Variants in DAZAP1 observed in about 807,000 individuals in gnomAD.
DAZAP1 encodes the protein DAZ associated protein 1.
A neutral mutation model predicts 60.1 loss-of-function variants in DAZAP1; 6 were observed. The ratio of observed to expected loss-of-function variants is 0.10; its 90% CI spans 0.05 to 0.20. DAZAP1 has a LOEUF of 0.20. DAZAP1 is among the 10% of genes least tolerant of loss of function. The pLI is 1.00. For missense variants in DAZAP1, 366 were observed against 560.4 expected (o/e 0.65, Z 3.50); for synonymous variants, 235 against 215.9 (o/e 1.09, Z -0.78).
rs2083065200 is a variant in DAZAP1 at position 1,418,860 on chromosome 19, G to A, written c.303+129G>A. The A allele has an allele frequency of 1.1e-6, 1 of 888,144 alleles. No individual in the cohort carries two copies. The highest frequency in any genetic ancestry group is 2.6e-5 in the East Asian group (1 of 38,356). 55.0% of individuals were successfully genotyped at this position (888,144 alleles called of 1,614,324 possible). ...ACGCAGGTCTTCTGGGTTGGCACTC[G>A]AGCAGCTGAGGATCACCCAGATTTA... On this transcript the variant is annotated intron_variant, in intron 4 of 11. Coordinates refer to ENST00000233078, the MANE Select transcript of DAZAP1 (RefSeq NM_018959.4). The surrounding 1 kb of genome is among the most constrained non-coding windows in gnomAD (Gnocchi z 5.7).
At position 1,416,086 on chromosome 19, in the gene DAZAP1, C is replaced by T. The variant is rs968852001; in HGVS notation, c.30-1414C>T. On this transcript the variant is annotated intron_variant, in intron 1 of 11. Transcript: ENST00000233078. This position sits in a 1 kb window ranked among gnomAD's most constrained non-coding sequence, Gnocchi z 4.3. ...TCGCGGGGGCTGAGTGTACAGGCCC[C>T]AGGTGGTGGTTGATGAGAGGTGATG... 1 of 152,226 alleles carries T rather than the reference C, an allele frequency of 6.6e-6. No homozygotes were observed. Among genetic ancestry groups the T allele is most frequent in the African/African-American group, 2.4e-5 (1 of 41,438 alleles). The allele number at this position is 152,226 out of a possible 1,614,324, so 9.4% of individuals were successfully genotyped here.
Position 1,433,919 on chromosome 19 carries a change from C to A in DAZAP1, c.1049-818C>A. 1 of 1,168,196 alleles carries A rather than the reference C, an allele frequency of 8.6e-7. No individual in the cohort carries two copies. The highest frequency in any genetic ancestry group is 1.3e-6 in the Non-Finnish European group (1 of 790,760). 72.4% of individuals were successfully genotyped at this position (1,168,196 alleles called of 1,614,324 possible). On this transcript the variant is annotated intron_variant, in intron 11 of 11. Coordinates refer to ENST00000233078, the MANE Select transcript of DAZAP1 (RefSeq NM_018959.4). This position sits in a 1 kb window ranked among gnomAD's most constrained non-coding sequence, Gnocchi z 6.1. Reference sequence around the variant, plus strand: ...CTGCCGTCCCGGGCGGGGGTGGACGCTGGCGGTGCCCTCTGGGAAGGGGCC... The same window carrying A: ...CTGCCGTCCCGGGCGGGGGTGGACGATGGCGGTGCCCTCTGGGAAGGGGCC...
chr19:1,421,754 A>C (rs1391873669), intron 5 of DAZAP1, among the ~76,000 whole-genome samples: 1 of 151,508 alleles, frequency 6.6e-6, no homozygotes, highest in African/African-American at 2.4e-5. Context: ...TCCTGCTGGG[A>C]CTCCTGCCGT....
intron 1 of DAZAP1, among the ~76,000 whole-genome samples, chr19:1,408,582 C>T (rs1159679003): frequency 6.6e-6 from 1 of 151,026 alleles, no homozygotes; most frequent in Non-Finnish European, 1.5e-5. Flanking sequence ...AAACCCAGGG[C>T]CCAGGGGGCT....
Position 1,422,935 on chromosome 19 carries a change from C to G in DAZAP1, c.463+539C>G, listed in dbSNP as rs920364823. On this transcript the variant is annotated intron_variant, in intron 6 of 11. Coordinates refer to ENST00000233078, the MANE Select transcript of DAZAP1 (RefSeq NM_018959.4). The surrounding 1 kb of genome is among the most constrained non-coding windows in gnomAD (Gnocchi z 4.5). ...GGTGAGGAGTCACCTCAGGGCCTCC[C>G]CTCATTTTCCCTCAGCTTCTTGCAC... Among the ~76,000 whole-genome samples, 4 of 151,976 alleles carry G rather than the reference C, an allele frequency of 2.6e-5. No individual in the cohort carries two copies. Among genetic ancestry groups the G allele is most frequent in the Non-Finnish European group, 5.9e-5 (4 of 67,980 alleles).
chr19:1,412,586 G>T (rs1192963695), intron 1 of DAZAP1, among the ~76,000 whole-genome samples: 3 of 152,212 alleles, frequency 2.0e-5, no homozygotes. Flanking sequence ...CGGGCTGGCC[G>T]CCGGTTTTTG....
At chr19:1,414,730 T>C (rs572869555) in intron 1 of DAZAP1, among the ~76,000 whole-genome samples, 199 of 151,636 alleles carry the variant, frequency 1.3e-3, no homozygotes, top group African/African-American at 4.7e-3. Flanking sequence ...AGCGAGACAA[T>C]TTTTCAAAAA....
At chr19:1,412,468 G>A (rs1164246748) in intron 1 of DAZAP1, among the ~76,000 whole-genome samples, 1 of 152,238 alleles carries the variant, frequency 6.6e-6, no homozygotes, top group Non-Finnish European at 1.5e-5. Context: ...CCAGAGCCAG[G>A]TGGGGTCTGT....
Position 1,422,352 on chromosome 19 carries a change from C to T in DAZAP1, c.419C>T (p.Thr140Met), listed in dbSNP as rs758592245. 1.5e-5 allele frequency: 24 copies of T among 1,613,938 alleles called. No homozygotes were observed. The highest frequency in any genetic ancestry group is 1.9e-5 in the Non-Finnish European group (23 of 1,179,940). Residue 140 changes from threonine to methionine, a missense_variant, in exon 6 of 12, where the codon ACG becomes ATG. By Grantham distance (81) the Thr-to-Met change is moderately conservative. This residue lies in a region of DAZAP1 where 28 missense variants were observed against 96.3 expected (regional missense o/e 0.29). Coordinates refer to ENST00000233078, the MANE Select transcript of DAZAP1 (RefSeq NM_018959.4). This position sits in a 1 kb window ranked among gnomAD's most constrained non-coding sequence, Gnocchi z 4.5. The part of the protein sequence containing the change: ...REYFKKFGVV[T>M]EVVMIYDAEK... ...GACGCCACCCTCTCCTTCCAGGTCA[C>T]GGAGGTAGTCATGATCTATGACGCC... is the stretch of plus-strand genomic sequence containing the variant.
In DAZAP1 at chr19:1,407,679, C is replaced by T. The variant is rs1403105190; in HGVS notation, c.-95C>T. On this transcript the variant is annotated 5_prime_UTR_variant, in exon 1 of 12. Transcript: ENST00000233078. ...CCGCCGCCGTTGCGCAGATCCGGGC[C>T]GCGGCTGTGGGGAGGGCGACGGAGC... The T allele has an allele frequency of 1.7e-5, 16 of 942,064 alleles. No individual in the cohort carries two copies. The African/African-American group carries it at 2.8e-4, about 17-fold the overall frequency. The allele number at this position is 942,064 out of a possible 1,614,324, so 58.4% of individuals were successfully genotyped here.
In DAZAP1 at chr19:1,416,372, C is replaced by A. The variant is rs1349790589; in HGVS notation, c.30-1128C>A. 6.6e-6 allele frequency: 1 copy of A among 152,206 alleles called. No individual in the cohort carries two copies. Among genetic ancestry groups the A allele is most frequent in the Non-Finnish European group, 1.5e-5 (1 of 68,078 alleles). The allele number at this position is 152,206 out of a possible 1,614,324, so 9.4% of individuals were successfully genotyped here. A position where few individuals can be genotyped will look rare whatever the true frequency, so the allele number is the denominator to read the frequency against. ...GCACGGTGTTTTGCTCTCTGGAGAC[C>A]AAGGGTGATGATGGTGCTGGCACTG... On this transcript the variant is annotated intron_variant, in intron 1 of 11. Coordinates refer to ENST00000233078, the MANE Select transcript of DAZAP1 (RefSeq NM_018959.4). This position sits in a 1 kb window ranked among gnomAD's most constrained non-coding sequence, Gnocchi z 4.3.
Position 1,433,563 on chromosome 19 carries a change from A to C in DAZAP1, c.1048+873A>C. On this transcript the variant is annotated intron_variant, in intron 11 of 11. Transcript: ENST00000233078. This position sits in a 1 kb window ranked among gnomAD's most constrained non-coding sequence, Gnocchi z 6.1. ...CTGTGGTTCCCCTGCCCCCACGCCC[A>C]GGCCTTGGGCCGAGGTTGCCGCATG... The C allele has an allele frequency of 1.3e-5, 7 of 558,210 alleles. No individual in the cohort carries two copies. The highest frequency in any genetic ancestry group is 1.6e-5 in the Non-Finnish European group (5 of 310,880). The allele number at this position is 558,210 out of a possible 1,614,324, so 34.6% of individuals were successfully genotyped here.
At chr19:1,424,217 C>T (rs1006630668) in intron 6 of DAZAP1, among the ~76,000 whole-genome samples, 5 of 152,152 alleles carry the variant, frequency 3.3e-5, no homozygotes, top group South Asian at 2.1e-4. Context: ...TCGGCCCGCC[C>T]GCTCCAGCCG....
chr19:1,407,910 C>G lies in DAZAP1; in HGVS notation c.29+108C>G, dbSNP rs1372515110. 41 of 962,692 alleles carry G rather than the reference C, an allele frequency of 4.3e-5. No individual in the cohort carries two copies. In the South Asian group the frequency reaches 1.7e-3, roughly 40 times the overall value. The allele number at this position is 962,692 out of a possible 1,614,324, so 59.6% of individuals were successfully genotyped here. A position where few individuals can be genotyped will look rare whatever the true frequency, so the allele number is the denominator to read the frequency against. On this transcript the variant is annotated intron_variant, in intron 1 of 11. Coordinates refer to ENST00000233078, the MANE Select transcript of DAZAP1 (RefSeq NM_018959.4). ...CCGGGGCCGCCCCGTCAAGGTCACG[C>G]CGGCCGGGGGCGGACTCGGGACCCG...
In DAZAP1 at chr19:1,428,790, G is replaced by T; in HGVS notation, c.547-52G>T. 1.2e-6 allele frequency: 2 copies of T among 1,608,326 alleles called. No homozygotes were observed. The highest frequency in any genetic ancestry group is 1.7e-6 in the Non-Finnish European group (2 of 1,177,246). On this transcript the variant is annotated intron_variant, in intron 7 of 11. Transcript: ENST00000233078. The surrounding 1 kb of genome is among the most constrained non-coding windows in gnomAD (Gnocchi z 4.0). ...TACCCGAGGGTGTGTCTAAAGGGAA[G>T]GGGGTGCTGGGACCCGCAGCCTCGC...
intron 1 of DAZAP1, among the ~76,000 whole-genome samples, chr19:1,409,071 C>T (rs951651924): frequency 5.9e-5 from 9 of 152,226 alleles, no homozygotes; most frequent in Non-Finnish European, 1.5e-5. Flanking sequence ...TCTCCCCCTC[C>T]CCAGACAAAA....
At position 1,422,835 on chromosome 19, in the gene DAZAP1, T is replaced by TCC. The variant is rs1461878364; in HGVS notation, c.463+439_463+440insCC. 2.2e-5 allele frequency among the ~76,000 whole-genome samples: 3 copies of TCC among 138,160 alleles called. No homozygotes were observed. Among genetic ancestry groups the TCC allele is most frequent in the African/African-American group, 1.0e-4 (3 of 29,274 alleles). 90.6% of individuals were successfully genotyped at this position (138,160 alleles called of 152,430 possible). ...CATGCTTTTTTTTTCTTTCTTTCTT[T>TCC]TTTCCTTTTCTTTTCTTTTTCTTTT... On this transcript the variant is annotated intron_variant, in intron 6 of 11. Coordinates refer to ENST00000233078, the MANE Select transcript of DAZAP1 (RefSeq NM_018959.4). The surrounding 1 kb of genome is among the most constrained non-coding windows in gnomAD (Gnocchi z 4.5).
chr19:1,426,058 G>A lies in DAZAP1; in HGVS notation c.546+98G>A, dbSNP rs764782717. 1.2e-5 allele frequency: 11 copies of A among 915,698 alleles called. No homozygotes were observed. Among genetic ancestry groups the A allele is most frequent in the African/African-American group, 3.3e-5 (2 of 61,366 alleles). 56.7% of individuals were successfully genotyped at this position (915,698 alleles called of 1,614,324 possible). On this transcript the variant is annotated intron_variant, in intron 7 of 11. Transcript: ENST00000233078. This position sits in a 1 kb window ranked among gnomAD's most constrained non-coding sequence, Gnocchi z 5.4. ...GGAACATTCCTTCACGGAAAGGGTCGGGCGAGTTCGTCCTGTGAACCTTTG... is the reference window on the plus strand; with the variant it reads ...GGAACATTCCTTCACGGAAAGGGTCAGGCGAGTTCGTCCTGTGAACCTTTG...
chr19:1,417,708 CTG>C (rs1220646964), intron 2 of DAZAP1, among the ~76,000 whole-genome samples, 168 bp downstream of exon 2: 1 of 152,174 alleles, frequency 6.6e-6, no homozygotes, highest in Non-Finnish European at 1.5e-5. Context: ...TGCTCTGAGA[CTG>C]TTAATTTGGT....
Sources: allele counts gnomAD v4.1 joint callset (sites outside exome capture counted in the v4.1 genomes callset), GRCh38; gene constraint gnomAD v4.1.1; regional missense constraint gnomAD v4.1.1; non-coding constraint Gnocchi (gnomAD v3.1); transcripts MANE v1.5; gene names NCBI Gene and HGNC (gene_info 2026-07-23, HGNC 2026-07-21).